PRELID2: variants seen among roughly 807,000 people sequenced by gnomAD.
The protein encoded by PRELID2 is PRELI domain containing 2.
Under a neutral mutation model 28.4 loss-of-function variants are expected in PRELID2, and 25 were observed. The ratio of observed to expected loss-of-function variants is 0.88; its 90% CI spans 0.64 to 1.23. The LOEUF (loss-of-function observed/expected upper bound fraction) is 1.23, where lower values mean the gene tolerates loss of function less well. Ranked by LOEUF, PRELID2 falls within the 50% of genes most tolerant of loss-of-function variation. The probability of loss-of-function intolerance (pLI) is 0.00; values close to 1 mark genes in which losing one functional copy is unlikely to be tolerated. For missense variants in PRELID2, 201 were observed against 214.4 expected (o/e 0.94, Z 0.39); for synonymous variants, 76 against 71.6 (o/e 1.06, Z -0.31).
At chr5:145,526,040 T>A (rs1335959734) in intron 1 of PRELID2, among the ~76,000 whole-genome samples, 3 of 152,206 alleles carry the variant, frequency 2.0e-5, no homozygotes, top group African/African-American at 7.2e-5. Flanking sequence ...GCTCACAAGA[T>A]GGTGCAGCTA....
the PRELID2 span, among the ~76,000 whole-genome samples, chr5:145,264,404 A>G: frequency 6.6e-6 from 1 of 152,156 alleles, no homozygotes; most frequent in East Asian, 1.9e-4. Context: ...CATGACCATC[A>G]CAATAGATGA....
chr5:145,731,224 G>T (rs938732580), intron 1 of PRELID2, among the ~76,000 whole-genome samples: 1 of 152,130 alleles, frequency 6.6e-6, no homozygotes, highest in African/African-American at 2.4e-5. Context: ...AGAGTTCTTG[G>T]AACATACTCA....
At chr5:145,675,126 T>G (rs957562419) in intron 1 of PRELID2, among the ~76,000 whole-genome samples, 3 of 152,014 alleles carry the variant, frequency 2.0e-5, no homozygotes, top group Non-Finnish European at 4.4e-5. Context: ...ATTTAAAATT[T>G]TTTAAACCCA....
chr5:145,643,437 A>G (rs1169502380), intron 1 of PRELID2, among the ~76,000 whole-genome samples: 1 of 152,238 alleles, frequency 6.6e-6, no homozygotes, highest in Non-Finnish European at 1.5e-5. Context: ...TTTTCTAAAT[A>G]TAGAATCATG....
At chr5:145,532,794 TTTC>T (rs1250987408) in intron 1 of PRELID2, among the ~76,000 whole-genome samples, 1 of 152,142 alleles carries the variant, frequency 6.6e-6, no homozygotes, top group African/African-American at 2.4e-5. Flanking sequence ...ATGACAGGAT[TTTC>T]TTCTGTTTAT....
At chr5:145,703,530 C>G (rs2163793) in intron 1 of PRELID2, among the ~76,000 whole-genome samples, 8 of 152,200 alleles carry the variant, frequency 5.3e-5, no homozygotes, top group African/African-American at 1.7e-4. Flanking sequence ...TCAGTTCCAA[C>G]AGCACATAGC....
chr5:145,271,856 G>A, the PRELID2 span, among the ~76,000 whole-genome samples: 1 of 152,154 alleles, frequency 6.6e-6, no homozygotes, highest in Non-Finnish European at 1.5e-5. Context: ...TGAGGTGTCA[G>A]ATTTCACCAA....
At chr5:145,325,713 T>G in the PRELID2 span, among the ~76,000 whole-genome samples, 1 of 152,148 alleles carries the variant, frequency 6.6e-6, no homozygotes, top group East Asian at 1.9e-4. Context: ...TCCCTTTCAT[T>G]TACCTGGCCT....
intron 4 of PRELID2, among the ~76,000 whole-genome samples, chr5:145,813,129 C>A (rs1351093638): frequency 6.6e-6 from 1 of 152,160 alleles, no homozygotes; most frequent in Non-Finnish European, 1.5e-5. Flanking sequence ...CACACCCACA[C>A]CTGCTAACCA....
At chr5:145,466,877 A>G (rs959774139), downstream of PRELID2, among the ~76,000 whole-genome samples, 6 of 152,024 alleles carry the variant, frequency 3.9e-5, no homozygotes, top group African/African-American at 1.4e-4. Flanking sequence ...TACCATTACA[A>G]CCTCACACCT....
At chr5:145,824,691 A>G (rs980563705) in intron 1 of PRELID2, among the ~76,000 whole-genome samples, 1 of 151,872 alleles carries the variant, frequency 6.6e-6, no homozygotes, top group African/African-American at 2.4e-5. Context: ...GGGAATATAA[A>G]CCTCAATGAC....
chr5:145,597,928 G>A (rs191942641), intron 1 of PRELID2, among the ~76,000 whole-genome samples: 28 of 152,230 alleles, frequency 1.8e-4, no homozygotes, highest in Non-Finnish European at 3.4e-4. Context: ...TTTCTGTGCA[G>A]AATATACACA....
chr5:145,473,070 G>A (rs1752067967), intron 2 of PRELID2: 1 of 152,118 alleles, frequency 6.6e-6, no homozygotes, highest in African/African-American at 2.4e-5. Flanking sequence ...TGTACCTTAA[G>A]TACACTAAAA....
At chr5:145,488,991 G>A (rs1386491699) in intron 1 of PRELID2, among the ~76,000 whole-genome samples, 1 of 152,122 alleles carries the variant, frequency 6.6e-6, no homozygotes, top group Non-Finnish European at 1.5e-5. Context: ...GGGGCGACTA[G>A]TTTGACATGC....
chr5:145,835,194 C>T lies in PRELID2; in HGVS notation c.58G>A (p.Ala20Thr). ...GGCGGTACCTTTCGGAGAAAGCTGG[C>T]GACCACCTGCTCGAAGGGGTACTTG... ...VYKYPFEQVV[A>T]SFLRKYPNPM... Residue 20 changes from alanine to threonine, a missense_variant, in exon 1 of 7, where the codon GCC (alanine) becomes ACC (threonine). Physicochemically the swap from Ala to Thr is moderately conservative, Grantham distance 58. Transcript: ENST00000683046. 5 of 1,549,524 alleles carry T rather than the reference C, an allele frequency of 3.2e-6. No individual in the cohort carries two copies.
intron 1 of PRELID2, chr5:145,728,625 A>T: frequency 8.8e-7 from 1 of 1,131,476 alleles, no homozygotes; most frequent in Non-Finnish European, 1.3e-6. Context: ...AACATTATAG[A>T]CTCCATAACG....
At chr5:145,597,629 G>C (rs991462305) in intron 1 of PRELID2, among the ~76,000 whole-genome samples, 1 of 152,054 alleles carries the variant, frequency 6.6e-6, no homozygotes, top group Non-Finnish European at 1.5e-5. Context: ...TTCTCACCCA[G>C]ACAAACATAC....
chr5:145,343,635 CA>C, the PRELID2 span, among the ~76,000 whole-genome samples: 1 of 151,232 alleles, frequency 6.6e-6, no homozygotes, highest in Admixed American at 6.6e-5. Context: ...AAACCATACC[CA>C]AAATTAGCAG....
At chr5:145,621,490 C>T (rs1012799930) in intron 1 of PRELID2, among the ~76,000 whole-genome samples, 4 of 152,132 alleles carry the variant, frequency 2.6e-5, no homozygotes, top group Non-Finnish European at 4.4e-5. Flanking sequence ...AAAAAGTAGA[C>T]ACAACCCCAA....
Sources: allele counts gnomAD v4.1 joint callset (sites outside exome capture counted in the v4.1 genomes callset), GRCh38; gene constraint gnomAD v4.1.1; transcripts MANE v1.5; gene names NCBI Gene and HGNC (gene_info 2026-07-23, HGNC 2026-07-21).